The following LRP1B variants were observed in gnomAD, a reference collection of about 807,000 sequenced individuals.
LRP1B encodes low-density lipoprotein receptor-related protein 1B.
In LRP1B, 217 loss-of-function variants were observed where a neutral mutation model predicts 556.6. The observed-to-expected ratio is 0.39, with a 90% CI of 0.35 to 0.44. The LOEUF (loss-of-function observed/expected upper bound fraction) is 0.44, where lower values mean the gene tolerates loss of function less well. Ranked by LOEUF, LRP1B falls within the 20% of genes least tolerant of loss-of-function variation. The probability of loss-of-function intolerance (pLI) is 1.00; values close to 1 mark genes in which losing one functional copy is unlikely to be tolerated. For missense variants in LRP1B, 5,053 were observed against 5,620.8 expected, an observed-to-expected ratio of 0.90 and a Z score of 3.23; for synonymous variants, 2,047 against 1,865.8, an observed-to-expected ratio of 1.10 and a Z score of -2.50.
intron 59 of LRP1B, among the ~76,000 whole-genome samples, chr2:140,476,967 G>A (rs1688001240): frequency 6.6e-6 from 1 of 151,960 alleles, no homozygotes; most frequent in African/African-American, 2.4e-5. Context: ...CTCAAAAAAT[G>A]ATGCTATGCT....
chr2:142,037,796 C>G (rs976874760), intron 1 of LRP1B, among the ~76,000 whole-genome samples: 1 of 150,814 alleles, frequency 6.6e-6, no homozygotes, highest in East Asian at 1.9e-4. Context: ...CATTATTACC[C>G]TAAACATTTT....
chr2:140,543,360 A>C (rs1479674464), intron 43 of LRP1B, among the ~76,000 whole-genome samples: 1 of 115,680 alleles, frequency 8.6e-6, no homozygotes, highest in African/African-American at 2.8e-5. Flanking sequence ...GAAATCAGTA[A>C]AACTAAAAAC....
At chr2:141,054,871 A>G (rs1167037916) in intron 10 of LRP1B, among the ~76,000 whole-genome samples, 1 of 152,000 alleles carries the variant, frequency 6.6e-6, no homozygotes, top group Non-Finnish European at 1.5e-5. Flanking sequence ...CTTTCTAAAA[A>G]TCTTCCTCAA....
chr2:141,126,044 T>A (rs1701200938), intron 7 of LRP1B, among the ~76,000 whole-genome samples: 1 of 151,680 alleles, frequency 6.6e-6, no homozygotes, highest in Admixed American at 6.6e-5. Context: ...TTTATTTTTT[T>A]TTTTTTGAGG....
At chr2:141,446,686 TATG>T (rs1441048733) in intron 3 of LRP1B, among the ~76,000 whole-genome samples, 2 of 152,216 alleles carry the variant, frequency 1.3e-5, no homozygotes, top group African/African-American at 4.8e-5. Context: ...CTTGGCTGGA[TATG>T]ATATTCTGGG....
At chr2:141,568,343 C>T (rs1686407704) in intron 2 of LRP1B, among the ~76,000 whole-genome samples, 1 of 150,810 alleles carries the variant, frequency 6.6e-6, no homozygotes, top group African/African-American at 2.4e-5. Flanking sequence ...AAGGTTAGAG[C>T]CAACTGTAAA....
intron 3 of LRP1B, among the ~76,000 whole-genome samples, chr2:141,398,919 C>T (rs1690346091): frequency 6.6e-6 from 1 of 152,110 alleles, no homozygotes; most frequent in Non-Finnish European, 1.5e-5. Flanking sequence ...AGAGGCTGCA[C>T]ATAAAATGTC....
chr2:141,857,202 T>A (rs990173845), intron 1 of LRP1B, among the ~76,000 whole-genome samples: 1 of 152,134 alleles, frequency 6.6e-6, no homozygotes, highest in Non-Finnish European at 1.5e-5. Context: ...TTATTTCTTC[T>A]TTTTTAGCTT....
intron 27 of LRP1B, among the ~76,000 whole-genome samples, chr2:140,858,501 G>GGAGAGA (rs35791983): frequency 0.015 from 2,139 of 139,846 alleles, 34 homozygotes; most frequent in South Asian, 0.055. Flanking sequence ...TTATATATAT[G>GGAGAGA]GAGAGAGAGA....
chr2:141,863,881 A>G (rs1479948477), intron 1 of LRP1B, among the ~76,000 whole-genome samples: 1 of 152,190 alleles, frequency 6.6e-6, no homozygotes. Flanking sequence ...TTAACAATGA[A>G]TGAACTTATA....
At chr2:140,775,960 G>A in intron 33 of LRP1B, 138 bp downstream of exon 33, 3 of 680,660 alleles carry the variant, frequency 4.4e-6, no homozygotes, top group Non-Finnish European at 7.0e-6. Context: ...TCCTACAGTA[G>A]TAAGCAACAT....
intron 18 of LRP1B, among the ~76,000 whole-genome samples, chr2:140,980,087 G>T (rs1573946385): frequency 6.6e-6 from 1 of 151,324 alleles, no homozygotes; most frequent in African/African-American, 2.4e-5. Flanking sequence ...AACAGGTCTT[G>T]CCCTAGGCCT....
chr2:141,249,545 C>T (rs988661758), intron 4 of LRP1B, among the ~76,000 whole-genome samples: 2 of 151,878 alleles, frequency 1.3e-5, no homozygotes, highest in Non-Finnish European at 2.9e-5. Context: ...TGCAGTGAGT[C>T]GAGATTGCAC....
At chr2:140,899,010 CT>C in intron 23 of LRP1B, 1 of 354,154 alleles carries the variant, frequency 2.8e-6, no homozygotes, top group Non-Finnish European at 5.6e-6. Context: ...CACAGAGCAT[CT>C]GCAGTGATTG....
chr2:141,553,976 TAATA>T (rs1003873022), intron 2 of LRP1B, among the ~76,000 whole-genome samples: 8 of 139,072 alleles, frequency 5.8e-5, no homozygotes, highest in African/African-American at 2.1e-4. Context: ...ATATCTACAT[TAATA>T]GACATAGATA....
intron 1 of LRP1B, among the ~76,000 whole-genome samples, chr2:141,841,987 A>G (rs2105761608): frequency 6.6e-6 from 1 of 152,304 alleles, no homozygotes; most frequent in Non-Finnish European, 1.5e-5. Context: ...AGAGTGAGAA[A>G]AAAAGTCAGG....
chr2:142,084,670 C>T (rs572743501), intron 1 of LRP1B, among the ~76,000 whole-genome samples: 40 of 152,236 alleles, frequency 2.6e-4, no homozygotes, highest in African/African-American at 9.6e-4. Flanking sequence ...ACTACTTTTA[C>T]CAATAACATC....
rs1272731354 is a variant in LRP1B, at chr2:140,867,735, A to G, written c.4434T>C (p.Tyr1478=). 1.2e-6 allele frequency: 2 copies of G among 1,612,260 alleles called. No individual in the cohort carries two copies. The highest frequency in any genetic ancestry group is 1.7e-5 in the Admixed American group (1 of 59,722). ...YLSHPFAVSL[Y]GSEVYWTDWR... ...AGTCTGTCCAGTAGACTTCACTCCCATATAGAGACACAGCAAAGGGATGGG... is the reference window on the plus strand; with the variant it reads ...AGTCTGTCCAGTAGACTTCACTCCCGTATAGAGACACAGCAAAGGGATGGG... The change falls in exon 27 of 91, where the codon TAT becomes TAC. Residue 1478 remains tyrosine (Y), a synonymous_variant. Coordinates refer to ENST00000389484, the MANE Select transcript of LRP1B (RefSeq NM_018557.3).
At chr2:141,038,918 A>G (rs372169155) in intron 11 of LRP1B, among the ~76,000 whole-genome samples, 3 of 152,060 alleles carry the variant, frequency 2.0e-5, no homozygotes, top group African/African-American at 4.8e-5. Flanking sequence ...GAAAATTACC[A>G]ATCAGAATAT....
Sources: allele counts gnomAD v4.1 joint callset (sites outside exome capture counted in the v4.1 genomes callset), GRCh38; gene constraint gnomAD v4.1.1; transcripts MANE v1.5; gene names NCBI Gene and HGNC (gene_info 2026-07-23, HGNC 2026-07-21).